Variants in SEC14L5 observed in about 807,000 individuals in gnomAD.
SEC14L5 encodes SEC14 like lipid binding 5.
SEC14L5 carries 96 observed loss-of-function variants against 84.6 expected under a neutral mutation model. The observed-to-expected ratio is 1.13, with a 90% CI of 0.96 to 1.34. SEC14L5 has a LOEUF of 1.34. Ranked by LOEUF, SEC14L5 falls within the 40% of genes most tolerant of loss-of-function variation. The pLI is 0.00. For missense variants in SEC14L5, 1,224 were observed against 942.5 expected (o/e 1.30, Z -3.91); for synonymous variants, 546 against 383.4 (o/e 1.42, Z -4.95).
intron 10 of SEC14L5, among the ~76,000 whole-genome samples, chr16:5,001,390 C>T (rs997506805): frequency 2.6e-5 from 4 of 151,936 alleles, no homozygotes; most frequent in Admixed American, 2.6e-4. Context: ...TCCAGAGTAG[C>T]TGGGACTACA....
At chr16:4,980,386 G>C (rs758704050) in intron 2 of SEC14L5, among the ~76,000 whole-genome samples, 11 of 152,114 alleles carry the variant, frequency 7.2e-5, no homozygotes, top group Non-Finnish European at 1.6e-4. Context: ...CAGCAGACCA[G>C]CCTCCCCTCC....
chr16:5,001,943 T>G (rs554744507), intron 10 of SEC14L5, among the ~76,000 whole-genome samples: 1 of 152,186 alleles, frequency 6.6e-6, no homozygotes, highest in Non-Finnish European at 1.5e-5. Context: ...CAGCTAATTT[T>G]TTTTTTTGCA....
At chr16:4,987,475 A>T in intron 2 of SEC14L5, 82 bp from the exon 3 acceptor site, 1 of 1,212,800 alleles carries the variant, frequency 8.2e-7, no homozygotes, top group Non-Finnish European at 1.1e-6. Flanking sequence ...GATAAGTGAC[A>T]CAGCAGATAA....
At chr16:5,005,813 A>C (rs1037439932) in intron 11 of SEC14L5, 101 bp from the exon 12 acceptor site, 1 of 1,202,024 alleles carries the variant, frequency 8.3e-7, no homozygotes, top group East Asian at 2.7e-5. Context: ...GCAGTGAGCC[A>C]AGATCATGCC....
intron 2 of SEC14L5, among the ~76,000 whole-genome samples, chr16:4,983,118 T>G (rs1272116691): frequency 6.6e-6 from 1 of 152,102 alleles, no homozygotes; most frequent in Non-Finnish European, 1.5e-5. Context: ...TTCTCCTGCC[T>G]CAGCCTCCTG....
At chr16:4,997,684 T>C (rs1312513994) in intron 8 of SEC14L5, among the ~76,000 whole-genome samples, 1 of 152,130 alleles carries the variant, frequency 6.6e-6, no homozygotes, top group East Asian at 1.9e-4. Flanking sequence ...ACAGTAGAAA[T>C]GTGTTCTTTC....
chr16:5,015,189 CG>C lies in SEC14L5; in HGVS notation c.*221del. 5.4e-6 allele frequency: 3 copies of C among 560,636 alleles called. No individual in the cohort carries two copies. The East Asian group carries it at 8.7e-5, about 16-fold the overall frequency. The allele number at this position is 560,636 out of a possible 1,614,324, so 34.7% of individuals were successfully genotyped here. ...TTGCAAGGACAGAACCATCTCCTTC[CG>C]GCTTCGTGTAAGGAAGACCAAGCCA... On this transcript the variant is annotated 3_prime_UTR_variant, in exon 16 of 16. Coordinates refer to ENST00000251170, the MANE Select transcript of SEC14L5 (RefSeq NM_014692.2).
chr16:4,964,451 T>C (rs913109153), intron 2 of SEC14L5, among the ~76,000 whole-genome samples: 8 of 151,924 alleles, frequency 5.3e-5, no homozygotes, highest in Admixed American at 3.3e-4. Flanking sequence ...CTAAGTGTGG[T>C]GGTGCATGCT....
rs570824423 is a variant in SEC14L5, at chr16:4,995,844, C to G, written c.668-504C>G. Among the ~76,000 whole-genome samples the G allele has an allele frequency of 3.3e-5, 5 of 152,014 alleles. No individual in the cohort carries two copies. The South Asian group carries it at 8.3e-4, about 25-fold the overall frequency. ...TTTCACCATGTTGGCCAGGCTGGTC[C>G]CAAAATCCTGACTTCAAGTGATCTG... On this transcript the variant is annotated intron_variant, in intron 6 of 15. Transcript: ENST00000251170.
chr16:4,990,472 G>A (rs1022456156), intron 4 of SEC14L5, among the ~76,000 whole-genome samples: 3 of 152,236 alleles, frequency 2.0e-5, no homozygotes, highest in African/African-American at 7.2e-5. Flanking sequence ...CTAAACATAA[G>A]TATTTCTAAC....
chr16:4,997,710 A>G (rs1365757663), intron 8 of SEC14L5, among the ~76,000 whole-genome samples: 1 of 152,208 alleles, frequency 6.6e-6, no homozygotes, highest in Non-Finnish European at 1.5e-5. Flanking sequence ...TCTCGAGGCC[A>G]GAAGTCTGGA....
chr16:4,992,878 A>G (rs1220688242), intron 6 of SEC14L5, among the ~76,000 whole-genome samples: 1 of 152,192 alleles, frequency 6.6e-6, no homozygotes. Context: ...GCATACATAC[A>G]TGTGTGTCTT....
At chr16:4,968,506 T>G (rs1955234619) in intron 2 of SEC14L5, among the ~76,000 whole-genome samples, 1 of 152,218 alleles carries the variant, frequency 6.6e-6, no homozygotes. Context: ...AAAAATATTT[T>G]TGTAGAGGTG....
At chr16:5,007,948 C>G (rs1955752807) in intron 13 of SEC14L5, among the ~76,000 whole-genome samples, 2 of 144,090 alleles carry the variant, frequency 1.4e-5, no homozygotes, top group Non-Finnish European at 3.0e-5. Flanking sequence ...CACTCTGTCA[C>G]CAAGGCTGGA....
intron 14 of SEC14L5, 135 bp from the exon 15 acceptor site, chr16:5,010,960 G>C: frequency 2.5e-6 from 2 of 785,176 alleles, no homozygotes; most frequent in Non-Finnish European, 4.0e-6. Flanking sequence ...GGAGTTGCTG[G>C]TGGACTGGAG....
chr16:5,012,905 G>A (rs77226814), intron 15 of SEC14L5, among the ~76,000 whole-genome samples: 7 of 145,822 alleles, frequency 4.8e-5, no homozygotes, highest in Non-Finnish European at 3.0e-5. Flanking sequence ...AAAGAAAAAG[G>A]AAAAAAAAAA....
At chr16:4,996,764 G>T in intron 7 of SEC14L5, 91 bp from the exon 8 acceptor site, 2 of 957,528 alleles carry the variant, frequency 2.1e-6, no homozygotes, top group South Asian at 1.7e-5. Flanking sequence ...TAGAGATGGG[G>T]TCTCACCATG....
intron 8 of SEC14L5, among the ~76,000 whole-genome samples, chr16:5,000,395 C>G (rs1384398354): frequency 6.6e-6 from 1 of 152,234 alleles, no homozygotes; most frequent in African/African-American, 2.4e-5. Flanking sequence ...GCCTCTGCCC[C>G]CCAAAATGCT....
Position 4,988,201 on chromosome 16 carries a change from A to G in SEC14L5, c.266A>G (p.Lys89Arg). The change falls in exon 4 of 16, where the codon AAG becomes AGG. Residue 89 changes from lysine to arginine, a missense_variant. Coordinates refer to ENST00000251170, the MANE Select transcript of SEC14L5 (RefSeq NM_014692.2). ...VFVQTNILNW[K>R]ERTLLIEAHN... ...GTGCAGACAAACATCTTGAACTGGA[A>G]GGAGAGGACGCTCCTCATCGAAGCG... 6.2e-7 allele frequency: 1 copy of G among 1,613,826 alleles called. No homozygotes were observed. The highest frequency in any genetic ancestry group is 1.1e-5 in the South Asian group (1 of 91,076).
Sources: gnomAD v4.1 joint callset for allele counts (sites outside exome capture counted in the v4.1 genomes callset) on GRCh38, gnomAD v4.1.1 for gene constraint, MANE v1.5 for transcripts, NCBI Gene and HGNC (gene_info 2026-07-23, HGNC 2026-07-21) for gene names.